Variants in TDRD5 observed in about 807,000 individuals in gnomAD.
The protein encoded by TDRD5 is tudor domain-containing protein 5.
Under a neutral mutation model 120.6 loss-of-function variants are expected in TDRD5, and 41 were observed. The observed-to-expected ratio is 0.34, with a 90% confidence interval of 0.26 to 0.44. TDRD5 has a LOEUF of 0.44. Among genes scored for constraint, TDRD5 ranks in the 20% least tolerant of loss-of-function variants. TDRD5 has a pLI of 1.00. For synonymous variants in TDRD5, 430 were observed against 433.7 expected, an observed-to-expected ratio of 0.99 and a Z score of 0.11; for missense variants, 1,006 against 1,221.2, an observed-to-expected ratio of 0.82 and a Z score of 2.63.
At chr1:179,605,692 G>A (rs1290784503) in intron 4 of TDRD5, among the ~76,000 whole-genome samples, 1 of 152,112 alleles carries the variant, frequency 6.6e-6, no homozygotes, top group African/African-American at 2.4e-5. Flanking sequence ...GCTTTTTCCA[G>A]AGAGTCATAT....
intron 16 of TDRD5, among the ~76,000 whole-genome samples, chr1:179,664,271 T>C (rs1572417369): frequency 6.6e-6 from 1 of 152,170 alleles, no homozygotes; most frequent in East Asian, 1.9e-4. Flanking sequence ...TAGGCTTTTA[T>C]ATTTTGTTTC....
chr1:179,680,692 T>C (rs1208088875), intron 17 of TDRD5, among the ~76,000 whole-genome samples: 2 of 152,208 alleles, frequency 1.3e-5, no homozygotes, highest in Admixed American at 6.5e-5. Context: ...GGCTAGGTGC[T>C]GTGGCTCACG....
chr1:179,599,970 G>T (rs1477952182), intron 4 of TDRD5, among the ~76,000 whole-genome samples: 3 of 152,096 alleles, frequency 2.0e-5, no homozygotes, highest in African/African-American at 7.2e-5. Flanking sequence ...CATGTTATGG[G>T]TTTGTGTTTT....
intron 11 of TDRD5, among the ~76,000 whole-genome samples, chr1:179,644,391 T>C (rs1678225045): frequency 6.6e-6 from 1 of 152,184 alleles, no homozygotes; most frequent in African/African-American, 2.4e-5. Context: ...TAGTGCAGTT[T>C]AAGCTGTAAT....
In TDRD5 at chr1:179,691,000, C is replaced by T. The variant is rs557217643; in HGVS notation, c.*57C>T. 173 of 1,552,734 alleles carry T rather than the reference C, an allele frequency of 1.1e-4. 2 individuals carry two copies. The South Asian group carries it at 1.9e-3, about 17-fold the overall frequency. ...CCAGCCGCTTAGGCTTTGATGAACT[C>T]CCAGGCCAAAATGAGGAGTTATTGA... On this transcript the variant is annotated 3_prime_UTR_variant, in exon 18 of 18. Transcript: ENST00000444136.
chr1:179,594,658 T>G (rs1444119946), intron 3 of TDRD5, among the ~76,000 whole-genome samples: 1 of 152,278 alleles, frequency 6.6e-6, no homozygotes, highest in Non-Finnish European at 1.5e-5. Flanking sequence ...CTATGCTTAT[T>G]TCAGTGATTT....
Position 179,638,149 on chromosome 1 carries a change from A to AG in TDRD5, c.1521-1690_1521-1689insG, listed in dbSNP as rs1194470248. 9.9e-4 allele frequency among the ~76,000 whole-genome samples: 104 copies of AG among 104,696 alleles called. 3 individuals are homozygous for AG. Among genetic ancestry groups the AG allele is most frequent in the South Asian group, 1.7e-3 (5 of 2,998 alleles). 68.7% of individuals were successfully genotyped at this position (104,696 alleles called of 152,430 possible). Reference sequence around the variant, plus strand: ...AAGAAAAAGCTAGATTCTGAATACCATGGGAAGATGTTTTCTCTTATTCTG... The same window carrying AG: ...AAGAAAAAGCTAGATTCTGAATACCAGTGGGAAGATGTTTTCTCTTATTCTG... On this transcript the variant is annotated intron_variant, in intron 9 of 17. Coordinates refer to ENST00000444136, the MANE Select transcript of TDRD5 (RefSeq NM_001199085.3).
intron 4 of TDRD5, among the ~76,000 whole-genome samples, chr1:179,606,087 A>G (rs907593682): frequency 6.6e-6 from 1 of 151,910 alleles, no homozygotes; most frequent in African/African-American, 2.4e-5. Flanking sequence ...GTTGTTCCCC[A>G]TTGCTGGTCA....
At chr1:179,637,150 AT>A (rs1677806450) in intron 9 of TDRD5, among the ~76,000 whole-genome samples, 1 of 152,190 alleles carries the variant, frequency 6.6e-6, no homozygotes, top group Non-Finnish European at 1.5e-5. Context: ...TTTATTTTGT[AT>A]CTCAAAAAAC....
At chr1:179,630,230 G>C (rs12022551) in intron 6 of TDRD5, among the ~76,000 whole-genome samples, 13,674 of 152,072 alleles carry the variant, frequency 0.09, 678 homozygotes, top group Middle Eastern at 0.12. Context: ...ATCTCCTGAT[G>C]TCGTGATCCA....
Position 179,616,488 on chromosome 1 carries a change from C to G in TDRD5, c.832-2111C>G, listed in dbSNP as rs369130902. 2.4e-4 allele frequency among the ~76,000 whole-genome samples: 36 copies of G among 152,216 alleles called. 1 individual carries two copies. In the South Asian group the frequency reaches 7.5e-3, roughly 32 times the overall value. ...TTTCCTAACTGGTTGTCCACCCATC[C>G]AATCTAATTTTCTGTTGCCAGATTA... On this transcript the variant is annotated intron_variant, in intron 4 of 17. Transcript: ENST00000444136.
intron 8 of TDRD5, among the ~76,000 whole-genome samples, chr1:179,634,896 ACC>A (rs1677681020): frequency 6.6e-6 from 1 of 151,838 alleles, no homozygotes; most frequent in Non-Finnish European, 1.5e-5. Flanking sequence ...TGTCTTGAAA[ACC>A]CACAGGGGCT....
chr1:179,641,680 T>C (rs1400675163), intron 11 of TDRD5, among the ~76,000 whole-genome samples: 1 of 152,234 alleles, frequency 6.6e-6, no homozygotes, highest in Admixed American at 6.5e-5. Context: ...TTTTCAGCAT[T>C]ACTTAAAATA....
chr1:179,605,613 C>G (rs547553143), intron 4 of TDRD5, among the ~76,000 whole-genome samples: 1 of 152,238 alleles, frequency 6.6e-6, no homozygotes, highest in East Asian at 1.9e-4. Flanking sequence ...TCTGTGCTTG[C>G]GCCTGTTCAT....
intron 11 of TDRD5, among the ~76,000 whole-genome samples, chr1:179,647,660 A>G (rs1202471963): frequency 1.3e-5 from 2 of 152,024 alleles, no homozygotes; most frequent in East Asian, 1.9e-4. Context: ...TGAACAGGCA[A>G]CCTACAAAAT....
Position 179,690,920 on chromosome 1 carries a change from A to C in TDRD5, c.3085A>C (p.Ser1029Arg). ...CAGGAGCCTCCTACACTGGTACCCC[A>C]GTGTGAAAAGGATGGAAGCATGAGG... is the stretch of plus-strand genomic sequence containing the variant. ...TSRSLLHWYP[S>R]VKRMEA is the part of the protein sequence containing the mutation. Residue 1029 changes from serine (S) to arginine (R), a missense_variant, in exon 18 of 18, where the codon AGT (serine) becomes CGT (arginine). This residue lies in a region of TDRD5 where 403 missense variants were observed against 448.1 expected (regional missense o/e 0.90). Coordinates refer to ENST00000444136, the MANE Select transcript of TDRD5 (RefSeq NM_001199085.3). 1 of 1,613,098 alleles carries C rather than the reference A, an allele frequency of 6.2e-7. No homozygotes were observed. The highest frequency in any genetic ancestry group is 8.5e-7 in the Non-Finnish European group (1 of 1,179,614).
chr1:179,657,477 T>C (rs573241443), intron 14 of TDRD5, among the ~76,000 whole-genome samples: 1 of 152,278 alleles, frequency 6.6e-6, no homozygotes, highest in Admixed American at 6.5e-5. Flanking sequence ...GGGGGTGTTT[T>C]GTTGGTTTCT....
At chr1:179,651,773 C>T (rs1402522477) in intron 12 of TDRD5, among the ~76,000 whole-genome samples, 2 of 151,878 alleles carry the variant, frequency 1.3e-5, no homozygotes, top group Non-Finnish European at 2.9e-5. Context: ...ATTAGTCAGG[C>T]GTGATGGCAC....
intron 17 of TDRD5, among the ~76,000 whole-genome samples, chr1:179,674,002 G>C (rs1213812528): frequency 1.3e-5 from 2 of 152,138 alleles, no homozygotes; most frequent in Non-Finnish European, 2.9e-5. Context: ...AACAGTGACA[G>C]TTTGACTTCC....
Sources: gnomAD v4.1 joint callset for allele counts (sites outside exome capture counted in the v4.1 genomes callset) on GRCh38, gnomAD v4.1.1 for gene constraint, gnomAD v4.1.1 regional missense constraint, MANE v1.5 for transcripts, NCBI Gene and HGNC (gene_info 2026-07-23, HGNC 2026-07-21) for gene names.